The following BANK1 variants were observed in gnomAD, a reference collection of about 807,000 sequenced individuals.
BANK1 encodes B cell scaffold protein with ankyrin repeats 1.
A neutral mutation model predicts 94.5 loss-of-function variants in BANK1; 95 were observed. That is an observed-to-expected ratio of 1.00 (90% CI 0.85 to 1.19). The LOEUF (loss-of-function observed/expected upper bound fraction) is 1.19, where lower values mean the gene tolerates loss of function less well. BANK1 is among the 50% of genes most tolerant of loss of function. BANK1 has a pLI of 0.00. For missense variants in BANK1, 987 were observed against 932.2 expected, an observed-to-expected ratio of 1.06 and a Z score of -0.77; for synonymous variants, 334 against 308.4, an observed-to-expected ratio of 1.08 and a Z score of -0.87.
intron 7 of BANK1, among the ~76,000 whole-genome samples, chr4:101,949,563 A>G (rs1724060240): frequency 2.6e-5 from 4 of 152,120 alleles, no homozygotes; most frequent in Admixed American, 2.6e-4. Context: ...AATTCCTGGC[A>G]TGTGGTAAGT....
At chr4:101,823,585 C>T (rs932984240) in intron 1 of BANK1, among the ~76,000 whole-genome samples, 1 of 152,102 alleles carries the variant, frequency 6.6e-6, no homozygotes, top group Non-Finnish European at 1.5e-5. Flanking sequence ...GCCAACTAGA[C>T]ATAAAAAGTG....
At chr4:101,795,902 AGCCAACTGGTT>A (rs1318990590) in intron 1 of BANK1, among the ~76,000 whole-genome samples, 2 of 152,238 alleles carry the variant, frequency 1.3e-5, no homozygotes, top group African/African-American at 4.8e-5. Context: ...GATGCAAGCC[AGCCAACTGGTT>A]GCTTAATGGC....
At chr4:101,973,695 G>C (rs540846424) in intron 7 of BANK1, among the ~76,000 whole-genome samples, 2 of 152,082 alleles carry the variant, frequency 1.3e-5, no homozygotes, top group East Asian at 3.9e-4. Context: ...AAAATCCCCA[G>C]AGTCACATAT....
At chr4:101,822,945 A>G (rs1488437336) in intron 1 of BANK1, among the ~76,000 whole-genome samples, 2 of 152,092 alleles carry the variant, frequency 1.3e-5, no homozygotes, top group Non-Finnish European at 2.9e-5. Context: ...CCTATCATTG[A>G]TGGTATTTAG....
chr4:101,792,474 T>G (rs200646530), intron 1 of BANK1, among the ~76,000 whole-genome samples: 5,774 of 148,008 alleles, frequency 0.039, 317 homozygotes, highest in East Asian at 0.25. Context: ...TGTGTGTTTT[T>G]TTTTTTTTAA....
At chr4:101,996,802 T>C (rs1425243936) in intron 7 of BANK1, among the ~76,000 whole-genome samples, 1 of 152,208 alleles carries the variant, frequency 6.6e-6, no homozygotes, top group East Asian at 1.9e-4. Flanking sequence ...CTTTACTAAG[T>C]TGCTTATCAG....
intron 10 of BANK1, among the ~76,000 whole-genome samples, chr4:102,031,426 G>C (rs944739344): frequency 2.0e-5 from 3 of 152,178 alleles, no homozygotes; most frequent in Non-Finnish European, 4.4e-5. Context: ...TTGCTGTGCA[G>C]AAGCGCTTTA....
chr4:102,026,834 A>AG (rs1338594884), intron 9 of BANK1, among the ~76,000 whole-genome samples: 1 of 151,942 alleles, frequency 6.6e-6, no homozygotes, highest in Non-Finnish European at 1.5e-5. Flanking sequence ...AAAAAAAAAA[A>AG]AAAAAAAGGA....
chr4:101,853,537 C>T (rs1234666750), intron 2 of BANK1, among the ~76,000 whole-genome samples: 1 of 152,090 alleles, frequency 6.6e-6, no homozygotes, highest in Non-Finnish European at 1.5e-5. Flanking sequence ...CATGGGGTAT[C>T]TCAGGAAAAG....
chr4:102,040,814 G>T (rs1439305480), intron 10 of BANK1, among the ~76,000 whole-genome samples: 2 of 152,012 alleles, frequency 1.3e-5, no homozygotes, highest in African/African-American at 4.8e-5. Context: ...TAACATCTCA[G>T]AATGTTAGAG....
At chr4:101,935,854 T>G (rs1723511656) in intron 7 of BANK1, among the ~76,000 whole-genome samples, 1 of 151,592 alleles carries the variant, frequency 6.6e-6, no homozygotes, top group African/African-American at 2.4e-5. Flanking sequence ...GAAAGCTGGA[T>G]ATTCATATGC....
chr4:101,842,389 C>T (rs11947954), intron 2 of BANK1, among the ~76,000 whole-genome samples: 1 of 152,180 alleles, frequency 6.6e-6, no homozygotes, highest in Admixed American at 6.5e-5. Flanking sequence ...GAGCCAACCA[C>T]CAATAAAAGA....
intron 7 of BANK1, among the ~76,000 whole-genome samples, chr4:101,925,481 A>T (rs1723125604): frequency 6.6e-6 from 1 of 151,760 alleles, no homozygotes; most frequent in Non-Finnish European, 1.5e-5. Flanking sequence ...CCCACAGATA[A>T]GGCAATTTAT....
rs886210470 is a variant in BANK1, at chr4:101,850,875, G to A, written c.470-4160G>A. The stretch of plus-strand genomic sequence containing the variant: ...TGAATTTAAGCAATAGACGTTTTGT[G>A]TATTCTGACTGCTTCACTGACTGGG... On this transcript the variant is annotated intron_variant, in intron 2 of 16. Coordinates refer to ENST00000322953, the MANE Select transcript of BANK1 (RefSeq NM_017935.5). 3.9e-5 allele frequency among the ~76,000 whole-genome samples: 6 copies of A among 152,130 alleles called. No individual in the cohort carries two copies. The East Asian group carries it at 9.6e-4, about 24-fold the overall frequency.
At chr4:101,952,819 A>G (rs1294435245) in intron 7 of BANK1, among the ~76,000 whole-genome samples, 1 of 152,164 alleles carries the variant, frequency 6.6e-6, no homozygotes, top group Non-Finnish European at 1.5e-5. Context: ...CCAAGACTTG[A>G]GTCTGCGCCC....
intron 7 of BANK1, among the ~76,000 whole-genome samples, chr4:101,942,680 T>TA (rs1414360349): frequency 6.6e-6 from 1 of 151,888 alleles, no homozygotes; most frequent in Non-Finnish European, 1.5e-5. Flanking sequence ...AGTGTCAATG[T>TA]AAAATCAGAC....
At chr4:101,954,878 T>G (rs1360243401) in intron 7 of BANK1, among the ~76,000 whole-genome samples, 1 of 152,170 alleles carries the variant, frequency 6.6e-6, no homozygotes, top group Admixed American at 6.6e-5. Flanking sequence ...TTGAGCACCT[T>G]AGGAACATTT....
chr4:102,004,285 A>G (rs1726175288), intron 7 of BANK1, among the ~76,000 whole-genome samples: 1 of 152,186 alleles, frequency 6.6e-6, no homozygotes, highest in Non-Finnish European at 1.5e-5. Context: ...ATCTAGGACT[A>G]TAAATTCACC....
intron 7 of BANK1, among the ~76,000 whole-genome samples, chr4:101,975,182 A>T (rs1234322129): frequency 4.6e-5 from 7 of 152,212 alleles, no homozygotes; most frequent in Non-Finnish European, 7.3e-5. Context: ...CTATGATAGG[A>T]GAGTTCATCT....
Sources: gnomAD v4.1 joint callset for allele counts (sites outside exome capture counted in the v4.1 genomes callset) on GRCh38, gnomAD v4.1.1 for gene constraint, MANE v1.5 for transcripts, NCBI Gene and HGNC (gene_info 2026-07-23, HGNC 2026-07-21) for gene names.